The following IFT80 variants were observed in gnomAD, a reference collection of about 807,000 sequenced individuals.
IFT80 encodes the protein intraflagellar transport protein 80 homolog.
Under a neutral mutation model 107.9 loss-of-function variants are expected in IFT80, and 79 were observed. The observed-to-expected ratio is 0.73, with a 90% CI of 0.61 to 0.88. The LOEUF (loss-of-function observed/expected upper bound fraction) is 0.88. Ranked by LOEUF, IFT80 falls within the 40% of genes least tolerant of loss-of-function variation. The pLI is 0.00. For missense variants in IFT80, 797 were observed against 914.2 expected, an observed-to-expected ratio of 0.87 and a Z score of 1.65; for synonymous variants, 299 against 300.9, an observed-to-expected ratio of 0.99 and a Z score of 0.07.
chr3:160,344,857 G>C (rs975495825), intron 8 of IFT80, among the ~76,000 whole-genome samples: 4 of 152,106 alleles, frequency 2.6e-5, no homozygotes, highest in African/African-American at 9.7e-5. Context: ...CAATATCATT[G>C]AGCATCAGAG....
At chr3:160,299,188 A>AT in intron 12 of IFT80, 1 of 1,077,438 alleles carries the variant, frequency 9.3e-7, no homozygotes, top group Non-Finnish European at 1.1e-6. Flanking sequence ...TCTGGATACT[A>AT]TATTATTCCA....
At position 160,279,303 on chromosome 3, in the gene IFT80, C is replaced by T. The variant is rs1714506395; in HGVS notation, c.1726G>A (p.Ala576Thr). 1.2e-6 allele frequency: 2 copies of T among 1,612,944 alleles called. No individual in the cohort carries two copies. The highest frequency in any genetic ancestry group is 2.7e-5 in the African/African-American group (2 of 74,986). ...FVGNQVTIRR[A>T]DGSLVHISIT... ...CTGATGTGAACCAGGGAGCCATCAGCTCTTCTAATAGTTACTTGATTTCCA... is the reference window on the plus strand; with the variant it reads ...CTGATGTGAACCAGGGAGCCATCAGTTCTTCTAATAGTTACTTGATTTCCA... Residue 576 changes from alanine (A) to threonine (T), a missense_variant, in exon 16 of 20, where the codon GCT becomes ACT. Physicochemically the swap from Ala to Thr is moderately conservative, Grantham distance 58. Transcript: ENST00000326448.
chr3:160,319,754 T>C lies in IFT80; in HGVS notation c.957+6A>G. ...AGGTTTAATCAACCTTGGAACATAA[T>C]AATACCTGCATGGCTCTTCTTTTCG... On this transcript the variant is annotated splice_donor_region_variant and intron_variant, in intron 9 of 19. Transcript: ENST00000326448. 1 of 1,611,666 alleles carries C rather than the reference T, an allele frequency of 6.2e-7. No homozygotes were observed. The highest frequency in any genetic ancestry group is 8.5e-7 in the Non-Finnish European group (1 of 1,178,106).
chr3:160,350,675 C>T (rs991738020), intron 8 of IFT80, among the ~76,000 whole-genome samples: 34 of 151,664 alleles, frequency 2.2e-4, no homozygotes, highest in Non-Finnish European at 3.8e-4. Context: ...ATTAGCTGGG[C>T]GTGGTGATGT....
chr3:160,391,609 T>G (rs1713390260), intron 1 of IFT80: 1 of 151,062 alleles, frequency 6.6e-6, no homozygotes, highest in African/African-American at 2.4e-5. Context: ...AGGTGGAGGT[T>G]GCAGTAAACC....
rs2275150 is a variant in IFT80, at chr3:160,285,660, G to A, written c.1380+144C>T. 18,681 of 614,844 alleles carry A rather than the reference G, an allele frequency of 0.03. 1,993 individuals carry two copies. The highest frequency in any genetic ancestry group is 0.26 in the African/African-American group (14,136 of 53,580). The allele number at this position is 614,844 out of a possible 1,614,324, so 38.1% of individuals were successfully genotyped here. ...TTAGTCTTTAACTGTGACATCTTTA[G>A]GCAAAATAGTCAATGGAGAATGCAC... On this transcript the variant is annotated intron_variant, in intron 13 of 19. Coordinates refer to ENST00000326448, the MANE Select transcript of IFT80 (RefSeq NM_020800.3).
intron 8 of IFT80, among the ~76,000 whole-genome samples, chr3:160,332,869 T>C (rs1047043368): frequency 1.3e-5 from 2 of 152,190 alleles, no homozygotes; most frequent in Admixed American, 1.3e-4. Context: ...GGTATATATA[T>C]CAAAGGCAGG....
At chr3:160,353,105 T>C (rs1358778283) in intron 8 of IFT80, among the ~76,000 whole-genome samples, 5 of 152,232 alleles carry the variant, frequency 3.3e-5, no homozygotes, top group Admixed American at 6.5e-5. Flanking sequence ...TTAATTTTTC[T>C]AATAAACTAT....
In IFT80 at chr3:160,390,348, C is replaced by G. The variant is rs1713279247; in HGVS notation, c.-46-5702G>C. Reference sequence around the variant, plus strand: ...AGGAGAATCGCTTGAACCCGGGAGGCAGAGGTTGCAGTAAGCCGAGATCGC... The same window carrying G: ...AGGAGAATCGCTTGAACCCGGGAGGGAGAGGTTGCAGTAAGCCGAGATCGC... On this transcript the variant is annotated intron_variant, in intron 1 of 19. Coordinates refer to ENST00000326448, the MANE Select transcript of IFT80 (RefSeq NM_020800.3). Among the ~76,000 whole-genome samples the G allele has an allele frequency of 2.7e-5, 4 of 150,102 alleles. No homozygotes were observed. In the South Asian group the frequency reaches 8.4e-4, roughly 31 times the overall value.
At chr3:160,268,675 C>T (rs1559910500) in intron 18 of IFT80, 139 bp from the exon 19 acceptor site, 6 of 826,590 alleles carry the variant, frequency 7.3e-6, no homozygotes, top group Non-Finnish European at 1.2e-5. Flanking sequence ...TCTACCTCAT[C>T]CATCTTGCAA....
chr3:160,358,318 C>G (rs1045442592), intron 6 of IFT80, among the ~76,000 whole-genome samples: 1 of 150,618 alleles, frequency 6.6e-6, no homozygotes, highest in Admixed American at 6.6e-5. Flanking sequence ...CAGCCCCCCT[C>G]AACCATTTTT....
At chr3:160,266,805 TG>T (rs982328485) in intron 19 of IFT80, among the ~76,000 whole-genome samples, 2 of 152,142 alleles carry the variant, frequency 1.3e-5, no homozygotes, top group Non-Finnish European at 2.9e-5. Flanking sequence ...ACAAGGTGGG[TG>T]CTCAGTTTTA....
chr3:160,310,851 C>G (rs1717188277), intron 9 of IFT80, among the ~76,000 whole-genome samples: 1 of 152,098 alleles, frequency 6.6e-6, no homozygotes. Flanking sequence ...TAATTGTAAT[C>G]AAGGCTGGGC....
At chr3:160,259,057 G>T (rs569609815) in intron 19 of IFT80, among the ~76,000 whole-genome samples, 1 of 152,104 alleles carries the variant, frequency 6.6e-6, no homozygotes. Context: ...GCAGTGAGCC[G>T]TGATTGCACC....
chr3:160,358,810 A>C (rs1174595414), intron 6 of IFT80, among the ~76,000 whole-genome samples: 1 of 152,192 alleles, frequency 6.6e-6, no homozygotes, highest in Non-Finnish European at 1.5e-5. Context: ...AATAATTTTT[A>C]TTTATTTATT....
At chr3:160,289,625 G>A (rs1715374618) in intron 12 of IFT80, among the ~76,000 whole-genome samples, 1 of 152,176 alleles carries the variant, frequency 6.6e-6, no homozygotes, top group South Asian at 2.1e-4. Context: ...TCCTGCTAGT[G>A]CCCCAACATT....
At chr3:160,351,640 C>T (rs1214557611) in intron 8 of IFT80, among the ~76,000 whole-genome samples, 2 of 145,310 alleles carry the variant, frequency 1.4e-5, no homozygotes, top group East Asian at 2.0e-4. Context: ...TATAGACATA[C>T]ATGAATACAT....
At chr3:160,315,642 G>A (rs1717762892) in intron 9 of IFT80, among the ~76,000 whole-genome samples, 1 of 152,136 alleles carries the variant, frequency 6.6e-6, no homozygotes, top group Non-Finnish European at 1.5e-5. Context: ...TAATCACTGT[G>A]TGTTGTTTTC....
Position 160,381,724 on chromosome 3 carries a change from T to C in IFT80, c.38A>G (p.His13Arg). The change falls in exon 3 of 20, where the codon CAT (histidine) becomes CGT (arginine). Residue 13 changes from histidine (H) to arginine (R), a missense_variant and splice_region_variant. Coordinates refer to ENST00000326448, the MANE Select transcript of IFT80 (RefSeq NM_020800.3). ...LKISLLKEPK[H>R]QELVSCVGWT... is the part of the protein sequence containing the mutation. Reference sequence around the variant, plus strand: ...GCCCACACAGCTTACTAATTCTTGATGTGTCACCATGTTAAAGAGACATAA... The same window carrying C: ...GCCCACACAGCTTACTAATTCTTGACGTGTCACCATGTTAAAGAGACATAA... 1 of 1,608,614 alleles carries C rather than the reference T, an allele frequency of 6.2e-7. No individual in the cohort carries two copies. The highest frequency in any genetic ancestry group is 8.5e-7 in the Non-Finnish European group (1 of 1,176,748).
Sources: allele counts gnomAD v4.1 joint callset (sites outside exome capture counted in the v4.1 genomes callset), GRCh38; gene constraint gnomAD v4.1.1; transcripts MANE v1.5; gene names NCBI Gene and HGNC (gene_info 2026-07-23, HGNC 2026-07-21).